The following ACACA variants were observed in gnomAD, a reference collection of about 807,000 sequenced individuals.
The protein encoded by ACACA is acetyl-CoA carboxylase alpha.
A neutral mutation model predicts 296.1 loss-of-function variants in ACACA; 103 were observed. The ratio of observed to expected loss-of-function variants is 0.35; its 90% CI spans 0.30 to 0.41. The LOEUF (loss-of-function observed/expected upper bound fraction) is 0.41. Among genes scored for constraint, ACACA ranks in the 10% least tolerant of loss-of-function variants. The probability of loss-of-function intolerance (pLI) is 1.00; values close to 1 mark genes in which losing one functional copy is unlikely to be tolerated. For missense variants in ACACA, 1,554 were observed against 2,989.7 expected, an observed-to-expected ratio of 0.52 and a Z score of 11.20; for synonymous variants, 953 against 1,038.6, an observed-to-expected ratio of 0.92 and a Z score of 1.58.
chr17:37,250,163 T>C (rs1010396374), intron 16 of ACACA, among the ~76,000 whole-genome samples: 5 of 152,200 alleles, frequency 3.3e-5, no homozygotes, highest in Non-Finnish European at 7.3e-5. Flanking sequence ...AATACACATA[T>C]ATATGTTCAT....
At position 37,258,197 on chromosome 17, in the gene ACACA, T is replaced by G. The variant is rs2146203235; in HGVS notation, c.1662+15A>C. 1 of 1,613,850 alleles carries G rather than the reference T, an allele frequency of 6.2e-7. No homozygotes were observed. The highest frequency in any genetic ancestry group is 2.2e-5 in the East Asian group (1 of 44,868). On this transcript the variant is annotated intron_variant, in intron 13 of 55. Transcript: ENST00000616317. ...TCATTAAAAGGAGGTATAAACCTTT[T>G]AAGTGATGGGTTACCTCATCTGGAT... is the stretch of plus-strand genomic sequence containing the variant.
intron 35 of ACACA, among the ~76,000 whole-genome samples, chr17:37,198,478 C>T (rs2078103023): frequency 6.6e-6 from 1 of 152,196 alleles, no homozygotes; most frequent in South Asian, 2.1e-4. Flanking sequence ...TTCTGATCAG[C>T]ATCTACCAGC....
In ACACA at chr17:37,188,499, CA is replaced by C. The variant is rs1385037767; in HGVS notation, c.4573-20del. ...CCTCAATCTGACACAGACACATCAC[CA>C]AGCACAAAACTTAAATATCTTCTAA... On this transcript the variant is annotated intron_variant, in intron 38 of 55. Coordinates refer to ENST00000616317, the MANE Select transcript of ACACA (RefSeq NM_198834.3). 1 of 1,611,992 alleles carries C rather than the reference CA, an allele frequency of 6.2e-7. No individual in the cohort carries two copies. Among genetic ancestry groups the C allele is most frequent in the Non-Finnish European group, 8.5e-7 (1 of 1,179,660 alleles).
intron 1 of ACACA, chr17:37,377,954 T>G: frequency 6.2e-7 from 1 of 1,613,746 alleles, no homozygotes; most frequent in South Asian, 1.1e-5. Flanking sequence ...ATCAGAGAAT[T>G]GCAAATGCAA....
At chr17:37,315,265 A>G (rs146688038) in intron 3 of ACACA, among the ~76,000 whole-genome samples, 2 of 152,268 alleles carry the variant, frequency 1.3e-5, no homozygotes, top group East Asian at 3.9e-4. Context: ...GCTGGAATCC[A>G]TATTTTTAAT....
chr17:37,130,268 C>A, intron 45 of ACACA, 50 bp from the exon 46 acceptor site: 1 of 1,608,278 alleles, frequency 6.2e-7, no homozygotes, highest in Non-Finnish European at 8.5e-7. Flanking sequence ...GAAATAAAGG[C>A]ATGGTCGATT....
intron 45 of ACACA, among the ~76,000 whole-genome samples, chr17:37,148,078 T>A (rs1450170617): frequency 2.0e-5 from 3 of 151,932 alleles, no homozygotes; most frequent in African/African-American, 7.2e-5. Context: ...TATGGGAACA[T>A]CATGGAAATA....
intron 41 of ACACA, among the ~76,000 whole-genome samples, chr17:37,178,607 G>C (rs1431790808): frequency 1.3e-5 from 2 of 152,098 alleles, no homozygotes; most frequent in Admixed American, 1.3e-4. Context: ...TCAGGAGCTT[G>C]AGACCAACAT....
chr17:37,296,668 C>T (rs2146814063), intron 3 of ACACA, among the ~76,000 whole-genome samples: 1 of 152,032 alleles, frequency 6.6e-6, no homozygotes, highest in Admixed American at 6.6e-5. Flanking sequence ...ATCTACTCAA[C>T]TCCCAAAGGC....
intron 52 of ACACA, among the ~76,000 whole-genome samples, chr17:37,099,505 G>A (rs2073200734): frequency 6.7e-6 from 1 of 148,264 alleles, no homozygotes; most frequent in African/African-American, 2.5e-5. Flanking sequence ...ATGGGAGGAG[G>A]GCTGATAGCA....
At position 37,338,286 on chromosome 17, in the gene ACACA, T is replaced by C. The variant is rs116898931; in HGVS notation, c.85+1518A>G. ...AAAAATTTGCTGTCTAAATTTACTA[T>C]ACATTTCTCCCTTGAAATATTAGGT... On this transcript the variant is annotated intron_variant, in intron 2 of 55. Transcript: ENST00000616317. Among the ~76,000 whole-genome samples, 296 of 148,240 alleles carry C rather than the reference T, an allele frequency of 2.0e-3. 1 individual carries two copies. The highest frequency in any genetic ancestry group is 1.5e-3 in the Non-Finnish European group (99 of 67,410).
At chr17:37,395,463 G>A (rs921652722) in intron 1 of ACACA, among the ~76,000 whole-genome samples, 1 of 151,178 alleles carries the variant, frequency 6.6e-6, no homozygotes, top group African/African-American at 2.4e-5. Context: ...TCTTCTTCTT[G>A]GCTAATATAT....
At chr17:37,171,377 T>A (rs1042385258) in intron 41 of ACACA, among the ~76,000 whole-genome samples, 1 of 152,152 alleles carries the variant, frequency 6.6e-6, no homozygotes, top group Non-Finnish European at 1.5e-5. Context: ...CTCAGATATA[T>A]AACAAAATGT....
chr17:37,171,017 C>T (rs1173858106), intron 41 of ACACA, among the ~76,000 whole-genome samples: 1 of 152,168 alleles, frequency 6.6e-6, no homozygotes, highest in Non-Finnish European at 1.5e-5. Flanking sequence ...TTTGCCACAG[C>T]TGCCTTTCTT....
chr17:37,175,402 T>A (rs1219438661), intron 41 of ACACA, among the ~76,000 whole-genome samples: 13 of 152,212 alleles, frequency 8.5e-5, no homozygotes, highest in Non-Finnish European at 1.9e-4. Context: ...CCACCTGCAA[T>A]TATAGCTTCC....
At chr17:37,098,576 T>C (rs1017146049) in intron 52 of ACACA, among the ~76,000 whole-genome samples, 2 of 152,354 alleles carry the variant, frequency 1.3e-5, no homozygotes, top group African/African-American at 2.4e-5. Context: ...TAACCTCTAA[T>C]TAGTAGAACT....
At chr17:37,349,988 G>A (rs1376943357) in intron 1 of ACACA, among the ~76,000 whole-genome samples, 1 of 152,072 alleles carries the variant, frequency 6.6e-6, no homozygotes, top group Non-Finnish European at 1.5e-5. Context: ...CTTGTATGAT[G>A]TGTGTGTGGT....
chr17:37,310,220 T>C (rs7502022), intron 3 of ACACA, among the ~76,000 whole-genome samples: 24,969 of 152,094 alleles, frequency 0.16, 2,768 homozygotes, highest in Admixed American at 0.33. Context: ...GGGTCAATAC[T>C]GGAGATAGAA....
chr17:37,086,471 T>A lies in ACACA; in HGVS notation c.*845A>T, dbSNP rs2072208357. 6.6e-6 allele frequency: 1 copy of A among 152,336 alleles called. No homozygotes were observed. Among genetic ancestry groups the A allele is most frequent in the South Asian group, 2.1e-4 (1 of 4,838 alleles). The allele number at this position is 152,336 out of a possible 1,614,324, so 9.4% of individuals were successfully genotyped here. The stretch of plus-strand genomic sequence containing the variant: ...AGGGCAGTTCTCTTCTGGCTCCTCC[T>A]CTGCCAACTCAGGCTTCACCACCTG... On this transcript the variant is annotated 3_prime_UTR_variant, in exon 56 of 56. Coordinates refer to ENST00000616317, the MANE Select transcript of ACACA (RefSeq NM_198834.3).
Sources: gnomAD v4.1 joint callset for allele counts (sites outside exome capture counted in the v4.1 genomes callset) on GRCh38, gnomAD v4.1.1 for gene constraint, MANE v1.5 for transcripts, NCBI Gene and HGNC (gene_info 2026-07-23, HGNC 2026-07-21) for gene names.